PLCG2: variants seen among roughly 807,000 people sequenced by gnomAD.
PLCG2 encodes the protein phospholipase C gamma 2.
A neutral mutation model predicts 175.6 loss-of-function variants in PLCG2; 69 were observed. That is an observed-to-expected ratio of 0.39 (90% CI 0.32 to 0.48). The LOEUF (loss-of-function observed/expected upper bound fraction) is 0.48. PLCG2 is among the 20% of genes least tolerant of loss of function. The pLI, the probability that PLCG2 is intolerant of heterozygous loss-of-function variation, is 0.91. For missense variants in PLCG2, 1,798 were observed against 1,650.9 expected (o/e 1.09, Z -1.54); for synonymous variants, 827 against 624.0 (o/e 1.33, Z -4.85).
intron 2 of PLCG2, among the ~76,000 whole-genome samples, chr16:81,787,412 G>A (rs867461896): frequency 1.1e-4 from 1 of 8,784 alleles, no homozygotes; most frequent in African/African-American, 6.5e-4. Context: ...TTTTTTTTTT[G>A]TAGAGATGGG....
chr16:81,740,578 C>T (rs1266522408), intron 1 of PLCG2: 2 of 151,522 alleles, frequency 1.3e-5, no homozygotes, highest in African/African-American at 2.4e-5. Flanking sequence ...AATAAAAGTA[C>T]AAAAAATTAG....
At chr16:81,809,124 C>T (rs1164197107) in intron 2 of PLCG2, among the ~76,000 whole-genome samples, 1 of 152,198 alleles carries the variant, frequency 6.6e-6, no homozygotes, top group African/African-American at 2.4e-5. Context: ...GTGACTTGGA[C>T]TTGTTGCTTT....
chr16:81,753,313 A>T (rs1416513297), intron 1 of PLCG2, among the ~76,000 whole-genome samples: 1 of 148,024 alleles, frequency 6.8e-6, no homozygotes, highest in Non-Finnish European at 1.5e-5. Flanking sequence ...GGTTATGCCA[A>T]GTTCAGCATT....
At chr16:81,767,136 G>GT (rs66799783) in intron 2 of PLCG2, among the ~76,000 whole-genome samples, 13,373 of 71,952 alleles carry the variant, frequency 0.19, 2,887 homozygotes, top group Non-Finnish European at 0.24. Flanking sequence ...TAAACTCGTG[G>GT]TTTTTTTTTT....
At chr16:81,757,478 C>T (rs1031714698) in intron 2 of PLCG2, among the ~76,000 whole-genome samples, 18 of 151,960 alleles carry the variant, frequency 1.2e-4, no homozygotes, top group Admixed American at 2.6e-4. Flanking sequence ...GCAAGAGAAT[C>T]GCTTGAATCC....
chr16:81,796,433 C>G (rs1257207202), intron 2 of PLCG2, among the ~76,000 whole-genome samples: 2 of 152,226 alleles, frequency 1.3e-5, no homozygotes, highest in African/African-American at 2.4e-5. Context: ...GCACGGCCAG[C>G]CTTTCCTGGG....
chr16:81,776,639 C>G (rs1320533896), upstream of PLCG2, among the ~76,000 whole-genome samples: 1 of 152,242 alleles, frequency 6.6e-6, no homozygotes, highest in Non-Finnish European at 1.5e-5. Context: ...ACTGCAACCT[C>G]TGCCTTCTGG....
rs200844173 is a variant in PLCG2 at position 81,927,091 on chromosome 16, A to G, written c.2427A>G (p.Gly809=). The G allele has an allele frequency of 5.6e-5, 91 of 1,611,826 alleles. No individual in the cohort carries two copies. The African/African-American group carries it at 9.6e-4, about 17-fold the overall frequency. The change falls in exon 23 of 33, where the codon GGA becomes GGG. Residue 809 remains glycine, a synonymous_variant. Coordinates refer to ENST00000564138, the MANE Select transcript of PLCG2 (RefSeq NM_002661.5). ...VSKEPGGWWK[G]DYGTRIQQYF... is the part of the protein sequence containing the mutation. ...CTCTCTTCTTATCCAGGTGGAAAGGAGACTATGGAACCAGGATCCAGCAGT... is the reference window on the plus strand; with the variant it reads ...CTCTCTTCTTATCCAGGTGGAAAGGGGACTATGGAACCAGGATCCAGCAGT...
chr16:81,868,685 C>T lies in PLCG2; in HGVS notation c.480-529C>T, dbSNP rs901458741. On this transcript the variant is annotated intron_variant, in intron 5 of 32. Coordinates refer to ENST00000564138, the MANE Select transcript of PLCG2 (RefSeq NM_002661.5). ...TCAGAGTCCTGGGCAGAAATCACAT[C>T]ATGTCAACACCTATATTGGGCCTTT... Among the ~76,000 whole-genome samples the T allele has an allele frequency of 4.7e-4, 72 of 152,350 alleles. 1 individual carries two copies. Among genetic ancestry groups the T allele is most frequent in the Admixed American group, 3.1e-3 (47 of 15,312 alleles).
intron 7 of PLCG2, among the ~76,000 whole-genome samples, chr16:81,879,153 T>C (rs1043290502): frequency 3.9e-5 from 6 of 152,132 alleles, no homozygotes; most frequent in Non-Finnish European, 1.5e-5. Context: ...AAGAATTGCA[T>C]GTGGTGGTCA....
At chr16:81,795,244 C>G (rs1206682644) in intron 2 of PLCG2, among the ~76,000 whole-genome samples, 1 of 152,140 alleles carries the variant, frequency 6.6e-6, no homozygotes, top group Non-Finnish European at 1.5e-5. Flanking sequence ...AGGAAAGGAA[C>G]AGGGTACTGT....
intron 2 of PLCG2, among the ~76,000 whole-genome samples, chr16:81,758,629 C>T (rs1377248445): frequency 1.3e-5 from 2 of 151,908 alleles, no homozygotes; most frequent in Non-Finnish European, 2.9e-5. Flanking sequence ...GTGTAGGAAG[C>T]TTCCAATTTC....
chr16:81,837,365 G>C (rs779927701), intron 2 of PLCG2, among the ~76,000 whole-genome samples: 1 of 152,196 alleles, frequency 6.6e-6, no homozygotes, highest in Non-Finnish European at 1.5e-5. Flanking sequence ...TTTTCCAAAC[G>C]AGTGGGCACC....
intron 2 of PLCG2, among the ~76,000 whole-genome samples, chr16:81,845,312 A>G (rs538643635): frequency 3.9e-5 from 6 of 152,216 alleles, no homozygotes; most frequent in Admixed American, 1.3e-4. Context: ...AAGCTTCTAC[A>G]TCTTTGTTTT....
At chr16:81,889,779 C>G (rs570113183) in intron 10 of PLCG2, among the ~76,000 whole-genome samples, 2 of 152,140 alleles carry the variant, frequency 1.3e-5, no homozygotes, top group South Asian at 4.2e-4. Context: ...CTCAGCCTCC[C>G]GAGTAGCTGG....
chr16:81,848,924 G>C (rs1385088617), intron 2 of PLCG2, among the ~76,000 whole-genome samples: 1 of 152,188 alleles, frequency 6.6e-6, no homozygotes, highest in African/African-American at 2.4e-5. Context: ...AGTTTGGTTT[G>C]ATTGAGCTGA....
chr16:81,942,193 A>AG (rs1198866536), intron 30 of PLCG2, among the ~76,000 whole-genome samples: 1 of 152,204 alleles, frequency 6.6e-6, no homozygotes, highest in Non-Finnish European at 1.5e-5. Flanking sequence ...TTGAAGGATG[A>AG]GGGCCTTGAG....
intron 2 of PLCG2, among the ~76,000 whole-genome samples, chr16:81,829,570 C>T (rs1238146742): frequency 1.3e-5 from 2 of 152,238 alleles, no homozygotes; most frequent in Non-Finnish European, 2.9e-5. Context: ...GAGAAATTAA[C>T]ATTACCACAT....
intron 13 of PLCG2, among the ~76,000 whole-genome samples, chr16:81,896,131 C>T (rs909944145): frequency 3.3e-5 from 5 of 152,098 alleles, no homozygotes; most frequent in African/African-American, 7.2e-5. Flanking sequence ...AAGTTGCTCC[C>T]GGGCTCTAGA....
Sources: allele counts gnomAD v4.1 joint callset (sites outside exome capture counted in the v4.1 genomes callset), GRCh38; gene constraint gnomAD v4.1.1; transcripts MANE v1.5; gene names NCBI Gene and HGNC (gene_info 2026-07-23, HGNC 2026-07-21).